Variants in CCDC15 observed in about 807,000 individuals in gnomAD.
CCDC15 encodes the protein coiled-coil domain containing 15.
A neutral mutation model predicts 114.5 loss-of-function variants in CCDC15; 105 were observed. That is an observed-to-expected ratio of 0.92 (90% CI 0.78 to 1.08). The LOEUF (loss-of-function observed/expected upper bound fraction) is 1.08, where lower values mean the gene tolerates loss of function less well. Among genes scored for constraint, CCDC15 ranks in the 50% least tolerant of loss-of-function variants. The probability of loss-of-function intolerance (pLI) is 0.00; values close to 1 mark genes in which losing one functional copy is unlikely to be tolerated. For synonymous variants in CCDC15, 334 were observed against 377.8 expected, an observed-to-expected ratio of 0.88 and a Z score of 1.34; for missense variants, 1,105 against 1,093.6, an observed-to-expected ratio of 1.01 and a Z score of -0.15.
At chr11:124,964,320 A>G (rs1947727665) in intron 4 of CCDC15, among the ~76,000 whole-genome samples, 1 of 152,022 alleles carries the variant, frequency 6.6e-6, no homozygotes, top group Non-Finnish European at 1.5e-5. Context: ...TATTTAGTTG[A>G]GCAGTGGTTT....
Position 124,977,483 on chromosome 11 carries a change from G to T in CCDC15, c.636G>T (p.Val212=). The stretch of plus-strand genomic sequence containing the variant: ...TGTAGTAATTTTTTTTCCAGGAAGT[G>T]CTTTCCAGGAAACCAGCATCCACTG... ...GRKSFLTREE[V]LSRKPASTGI... The change falls in exon 6 of 16, where the codon GTG becomes GTT. Residue 212 remains valine, a synonymous_variant. Coordinates refer to ENST00000344762, the MANE Select transcript of CCDC15 (RefSeq NM_025004.3). The T allele has an allele frequency of 6.3e-7, 1 of 1,587,610 alleles. No homozygotes were observed. Among genetic ancestry groups the T allele is most frequent in the Non-Finnish European group, 8.6e-7 (1 of 1,167,688 alleles).
At position 125,024,874 on chromosome 11, in the gene CCDC15, G is replaced by A. The variant is rs374634898; in HGVS notation, c.2412-13557G>A. On this transcript the variant is annotated intron_variant, in intron 13 of 15. Transcript: ENST00000344762. ...GATCTTAGAAAGCATTTAGTTCTTT[G>A]CCATTAAGTATGATGTTAGCTTTAA... is the stretch of plus-strand genomic sequence containing the variant. Among the ~76,000 whole-genome samples, 7 of 151,442 alleles carry A rather than the reference G, an allele frequency of 4.6e-5. No homozygotes were observed. The South Asian group carries it at 1.5e-3, about 31-fold the overall frequency.
At chr11:124,996,980 G>C (rs1311895755) in intron 11 of CCDC15, among the ~76,000 whole-genome samples, 2 of 152,170 alleles carry the variant, frequency 1.3e-5, no homozygotes, top group Non-Finnish European at 2.9e-5. Context: ...TTCCTGTACA[G>C]TATGAATCCT....
At chr11:124,982,894 C>T (rs147803953) in intron 6 of CCDC15, among the ~76,000 whole-genome samples, 39 of 152,292 alleles carry the variant, frequency 2.6e-4, no homozygotes, top group African/African-American at 9.4e-4. Flanking sequence ...ATACATTTTG[C>T]AAGTTGCTTG....
intron 4 of CCDC15, among the ~76,000 whole-genome samples, chr11:124,966,696 G>A (rs1947790379): frequency 6.6e-6 from 1 of 152,112 alleles, no homozygotes; most frequent in Non-Finnish European, 1.5e-5. Context: ...AATGTTAGCT[G>A]GTTATTTTTC....
At chr11:125,011,248 A>ATTATTATTTTTTT (rs1440220391) in intron 13 of CCDC15, among the ~76,000 whole-genome samples, 217 of 147,224 alleles carry the variant, frequency 1.5e-3, no homozygotes, top group African/African-American at 5.3e-3. Flanking sequence ...TATTATTATT[A>ATTATTATTTTTTT]TTTTTTAAGA....
At chr11:125,004,311 C>T (rs57971088) in intron 12 of CCDC15, among the ~76,000 whole-genome samples, 21,743 of 151,548 alleles carry the variant, frequency 0.14, 1,721 homozygotes, top group Non-Finnish European at 0.16. Context: ...TTAACCCTGG[C>T]CATGCACCAG....
At chr11:125,032,137 A>C (rs1948743574) in intron 13 of CCDC15, among the ~76,000 whole-genome samples, 1 of 152,244 alleles carries the variant, frequency 6.6e-6, no homozygotes, top group Non-Finnish European at 1.5e-5. Flanking sequence ...CACTGGATCT[A>C]ATCAGCATAA....
chr11:125,035,327 A>G lies in CCDC15; in HGVS notation c.2412-3104A>G, dbSNP rs190363737. Among the ~76,000 whole-genome samples, 55 of 152,034 alleles carry G rather than the reference A, an allele frequency of 3.6e-4. 1 individual carries two copies. The highest frequency in any genetic ancestry group is 3.5e-3 in the East Asian group (18 of 5,170). On this transcript the variant is annotated intron_variant, in intron 13 of 15. Coordinates refer to ENST00000344762, the MANE Select transcript of CCDC15 (RefSeq NM_025004.3). Reference sequence around the variant, plus strand: ...CAAGTTGACAGTATTAACCATCACAATGACCTTCTTTGTCTTTTTTTATAG... The same window carrying G: ...CAAGTTGACAGTATTAACCATCACAGTGACCTTCTTTGTCTTTTTTTATAG...
At chr11:125,008,377 A>G (rs554915901) in intron 13 of CCDC15, among the ~76,000 whole-genome samples, 1 of 152,212 alleles carries the variant, frequency 6.6e-6, no homozygotes, top group South Asian at 2.1e-4. Context: ...TTAAACTTGT[A>G]TCCTTCAACC....
chr11:124,962,386 G>A (rs974147563), intron 4 of CCDC15, among the ~76,000 whole-genome samples: 13 of 152,296 alleles, frequency 8.5e-5, no homozygotes, highest in African/African-American at 2.9e-4. Flanking sequence ...ATTTATACAT[G>A]AAAGTATTTG....
chr11:124,973,812 A>G (rs1328791670), intron 4 of CCDC15, among the ~76,000 whole-genome samples: 1 of 151,990 alleles, frequency 6.6e-6, no homozygotes, highest in Non-Finnish European at 1.5e-5. Flanking sequence ...TATTTTCTGT[A>G]GAGAAGTCAT....
chr11:124,988,002 T>A lies in CCDC15; in HGVS notation c.1776T>A (p.Tyr592Ter). The change falls in exon 8 of 16, where the codon TAT becomes TAA. Residue 592 changes from tyrosine to a stop codon, truncating the protein, a stop_gained. Transcript: ENST00000344762. LOFTEE classifies it high-confidence loss of function. ...ATTTTCTACCCAGAGACCAAGGTTA[T>A]CTTCCTAAAGACCAAAATATTCTAC... ...DQDFLPRDQGYLPKDQNILPI... is the reference protein window; with the variant it reads ...DQDFLPRDQG 2 of 1,613,886 alleles carry A rather than the reference T, an allele frequency of 1.2e-6. No individual in the cohort carries two copies. Among genetic ancestry groups the A allele is most frequent in the South Asian group, 2.2e-5 (2 of 91,074 alleles).
chr11:125,000,240 G>C (rs11827270), intron 11 of CCDC15, among the ~76,000 whole-genome samples: 1 of 151,964 alleles, frequency 6.6e-6, no homozygotes, highest in Non-Finnish European at 1.5e-5. Flanking sequence ...TTATTTGTTT[G>C]TTTGTTGTAG....
Position 124,987,140 on chromosome 11 carries a change from A to G in CCDC15, c.914A>G (p.Lys305Arg). The change falls in exon 8 of 16, where the codon AAA becomes AGA. Residue 305 changes from lysine to arginine, a missense_variant. Coordinates refer to ENST00000344762, the MANE Select transcript of CCDC15 (RefSeq NM_025004.3). ...PFSRVQKVKFKNPLFVLMEEE... is the reference protein window; with the variant it reads ...PFSRVQKVKFRNPLFVLMEEE... Reference sequence around the variant, plus strand: ...GTTCACTTTTAGAAAGTAAAATTCAAAAATCCATTATTTGTTCTGATGGAA... The same window carrying G: ...GTTCACTTTTAGAAAGTAAAATTCAGAAATCCATTATTTGTTCTGATGGAA... 6.6e-7 allele frequency: 1 copy of G among 1,508,278 alleles called. No individual in the cohort carries two copies. The highest frequency in any genetic ancestry group is 1.4e-5 in the South Asian group (1 of 71,144). 93.4% of individuals were successfully genotyped at this position (1,508,278 alleles called of 1,614,324 possible). A position where few individuals can be genotyped will look rare whatever the true frequency, so the allele number is the denominator to read the frequency against.
chr11:125,010,618 C>T (rs1421705237), intron 13 of CCDC15, among the ~76,000 whole-genome samples: 1 of 152,100 alleles, frequency 6.6e-6, no homozygotes, highest in Non-Finnish European at 1.5e-5. Context: ...GCCTTGGCCT[C>T]CTAATTTGGG....
intron 11 of CCDC15, among the ~76,000 whole-genome samples, chr11:125,003,405 T>C (rs565293914): frequency 1.3e-5 from 2 of 152,098 alleles, no homozygotes; most frequent in South Asian, 2.1e-4. Flanking sequence ...GGGTGGAAAT[T>C]AGCCTGTTTC....
intron 4 of CCDC15, among the ~76,000 whole-genome samples, chr11:124,963,398 A>T (rs1947709595): frequency 6.6e-6 from 1 of 152,146 alleles, no homozygotes; most frequent in African/African-American, 2.4e-5. Flanking sequence ...GCCAGTGATG[A>T]TGAGCATTTT....
intron 10 of CCDC15, 110 bp downstream of exon 10, chr11:124,992,797 A>G (rs1368502122): frequency 2.2e-5 from 14 of 638,174 alleles, no homozygotes; most frequent in Non-Finnish European, 3.2e-5. Flanking sequence ...TGTGGAATAC[A>G]TAGAATTAAG....
Sources: allele counts gnomAD v4.1 joint callset (sites outside exome capture counted in the v4.1 genomes callset), GRCh38; gene constraint gnomAD v4.1.1; transcripts MANE v1.5; gene names NCBI Gene and HGNC (gene_info 2026-07-23, HGNC 2026-07-21).